Variants in GFRA2 observed in about 807,000 individuals in gnomAD.
The protein encoded by GFRA2 is GDNF family receptor alpha-2.
In GFRA2, 17 loss-of-function variants were observed where a neutral mutation model predicts 48.3. The observed-to-expected ratio is 0.35, with a 90% CI of 0.24 to 0.53. The LOEUF is 0.53. Among genes scored for constraint, GFRA2 ranks in the 20% least tolerant of loss-of-function variants. The pLI is 0.93. For missense variants in GFRA2, 660 were observed against 637.3 expected, an observed-to-expected ratio of 1.04 and a Z score of -0.38; for synonymous variants, 305 against 257.2, an observed-to-expected ratio of 1.19 and a Z score of -1.78.
chr8:21,707,837 C>T (rs1802824694), intron 4 of GFRA2, among the ~76,000 whole-genome samples: 1 of 152,228 alleles, frequency 6.6e-6, no homozygotes, highest in Admixed American at 6.5e-5. Flanking sequence ...TATACACTTA[C>T]ATGGTGCATT....
In GFRA2 at chr8:21,690,486, T is replaced by C. The variant is rs1801845085; in HGVS notation, c.*2792A>G. The stretch of plus-strand genomic sequence containing the variant: ...ATAGGAATCATCTCAACCAAAGGAA[T>C]GAATACCTAATGGTAAAATTTCAGC... On this transcript the variant is annotated 3_prime_UTR_variant, in exon 9 of 9. Transcript: ENST00000524240. The C allele has an allele frequency of 1.3e-5, 2 of 152,244 alleles. No homozygotes were observed. The highest frequency in any genetic ancestry group is 4.8e-5 in the African/African-American group (2 of 41,470). The allele number at this position is 152,244 out of a possible 1,614,324, so 9.4% of individuals were successfully genotyped here. A position where few individuals can be genotyped will look rare whatever the true frequency, so the allele number is the denominator to read the frequency against.
Position 21,693,210 on chromosome 8 carries a change from T to C in GFRA2, c.*68A>G. 1.3e-6 allele frequency: 2 copies of C among 1,513,082 alleles called. No homozygotes were observed. Among genetic ancestry groups the C allele is most frequent in the Middle Eastern group, 1.8e-4 (1 of 5,686 alleles). 93.7% of individuals were successfully genotyped at this position (1,513,082 alleles called of 1,614,324 possible). ...AGGTGTGTGTGTGTCTGTGTGTGTTTCCATTTCGTCAGGCGGCTGTTCTTG... is the reference window on the plus strand; with the variant it reads ...AGGTGTGTGTGTGTCTGTGTGTGTTCCCATTTCGTCAGGCGGCTGTTCTTG... On this transcript the variant is annotated 3_prime_UTR_variant, in exon 9 of 9. Transcript: ENST00000524240.
intron 7 of GFRA2, 27 bp downstream of exon 7, chr8:21,702,778 C>A: frequency 6.4e-7 from 1 of 1,562,570 alleles, no homozygotes; most frequent in South Asian, 1.2e-5. Context: ...ATGGTGCTCC[C>A]CCCACGCCTC....
chr8:21,796,278 C>T (rs1460587099), intron 2 of GFRA2, among the ~76,000 whole-genome samples: 2 of 152,216 alleles, frequency 1.3e-5, no homozygotes, highest in Non-Finnish European at 2.9e-5. Flanking sequence ...TGGGCACACA[C>T]GCCCACCTCA....
At chr8:21,713,175 CTCTGTTTTGT>C (rs1287292560) in intron 4 of GFRA2, among the ~76,000 whole-genome samples, 2 of 151,954 alleles carry the variant, frequency 1.3e-5, no homozygotes, top group African/African-American at 4.8e-5. Flanking sequence ...GATCTGGCAA[CTCTGTTTTGT>C]TCTGTTTTGT....
intron 3 of GFRA2, among the ~76,000 whole-genome samples, chr8:21,754,328 A>G (rs1241239987): frequency 6.6e-6 from 1 of 152,170 alleles, no homozygotes; most frequent in African/African-American, 2.4e-5. Context: ...ATTTTACAGT[A>G]AGTGCTCAAA....
intron 4 of GFRA2, among the ~76,000 whole-genome samples, chr8:21,728,910 ATGGAGGGG>A (rs1804031645): frequency 6.6e-6 from 1 of 152,202 alleles, no homozygotes; most frequent in Non-Finnish European, 1.5e-5. Context: ...GTACTACTGG[ATGGAGGGG>A]GTAGTTCTCC....
intron 7 of GFRA2, among the ~76,000 whole-genome samples, chr8:21,695,253 G>A (rs954343547): frequency 2.6e-5 from 4 of 152,152 alleles, no homozygotes; most frequent in African/African-American, 9.7e-5. Context: ...CATGATGAAC[G>A]GCCCTCTGTT....
At chr8:21,696,066 CTG>C (rs1802152267) in intron 7 of GFRA2, among the ~76,000 whole-genome samples, 1 of 140,618 alleles carries the variant, frequency 7.1e-6, no homozygotes, top group African/African-American at 2.7e-5. Flanking sequence ...TCCCCATCTC[CTG>C]TGTCCCCTCC....
At chr8:21,730,491 C>T (rs899000201) in intron 4 of GFRA2, among the ~76,000 whole-genome samples, 2 of 152,172 alleles carry the variant, frequency 1.3e-5, no homozygotes, top group South Asian at 4.1e-4. Context: ...GGTCACTCCT[C>T]GGCCCCTATC....
chr8:21,728,442 T>A (rs1238242509), intron 4 of GFRA2, among the ~76,000 whole-genome samples: 2 of 151,842 alleles, frequency 1.3e-5, no homozygotes, highest in Admixed American at 1.3e-4. Flanking sequence ...ACCCGGCTAT[T>A]GTTTGTATTT....
chr8:21,742,160 T>C lies in GFRA2; in HGVS notation c.794+8428A>G, dbSNP rs138018758. Among the ~76,000 whole-genome samples, 794 of 152,206 alleles carry C rather than the reference T, an allele frequency of 5.2e-3. 18 individuals are homozygous for C. Among genetic ancestry groups the C allele is most frequent in the Admixed American group, 0.041 (623 of 15,298 alleles). ...GGAAGTCTAGATGTTATGAATGTAG[T>C]GTTTGTGTCTCCCCAAAATTCATAT... On this transcript the variant is annotated intron_variant, in intron 4 of 8. Transcript: ENST00000524240.
At chr8:21,704,176 G>GTCC (rs1802624650) in intron 6 of GFRA2, among the ~76,000 whole-genome samples, 1 of 152,222 alleles carries the variant, frequency 6.6e-6, no homozygotes, top group Admixed American at 6.5e-5. Context: ...TCTGCCCAGG[G>GTCC]TGGACTGGCA....
intron 1 of GFRA2, among the ~76,000 whole-genome samples, chr8:21,810,966 A>G (rs1807967252): frequency 6.6e-6 from 1 of 152,198 alleles, no homozygotes; most frequent in South Asian, 2.1e-4. Flanking sequence ...CCCATCAGGG[A>G]AAGGGGCTGC....
intron 4 of GFRA2, among the ~76,000 whole-genome samples, chr8:21,722,903 T>A (rs562877627): frequency 1.6e-4 from 25 of 152,266 alleles, no homozygotes; most frequent in Admixed American, 9.8e-4. Flanking sequence ...AGCTACAGTC[T>A]TGCAATGAAT....
At chr8:21,752,382 C>T (rs1805335951) in intron 3 of GFRA2, among the ~76,000 whole-genome samples, 1 of 152,238 alleles carries the variant, frequency 6.6e-6, no homozygotes, top group South Asian at 2.1e-4. Flanking sequence ...CCTCATCTCC[C>T]TCAGCCCATC....
intron 3 of GFRA2, among the ~76,000 whole-genome samples, chr8:21,760,586 A>G (rs1374309336): frequency 6.6e-6 from 1 of 152,176 alleles, no homozygotes; most frequent in Non-Finnish European, 1.5e-5. Context: ...TCTGTTTTTG[A>G]CTTAAGTTTG....
chr8:21,736,609 T>C (rs759524839), intron 4 of GFRA2, among the ~76,000 whole-genome samples: 15 of 152,112 alleles, frequency 9.9e-5, no homozygotes, highest in South Asian at 6.3e-4. Flanking sequence ...GATCCTTCCA[T>C]CTCAGCCTCT....
At chr8:21,696,735 T>C (rs1802195316) in intron 7 of GFRA2, among the ~76,000 whole-genome samples, 1 of 152,208 alleles carries the variant, frequency 6.6e-6, no homozygotes, top group East Asian at 1.9e-4. Context: ...ACTTGACAAG[T>C]TCCTCTTAAA....
Sources: gnomAD v4.1 joint callset for allele counts (sites outside exome capture counted in the v4.1 genomes callset) on GRCh38, gnomAD v4.1.1 for gene constraint, MANE v1.5 for transcripts, NCBI Gene and HGNC (gene_info 2026-07-23, HGNC 2026-07-21) for gene names.